AMPD3: variants seen among roughly 807,000 people sequenced by gnomAD.
The protein encoded by AMPD3 is AMP deaminase 3.
Under a neutral mutation model 82.3 loss-of-function variants are expected in AMPD3, and 57 were observed. The ratio of observed to expected loss-of-function variants is 0.69; its 90% CI spans 0.56 to 0.86. The LOEUF (loss-of-function observed/expected upper bound fraction) is 0.86, where lower values mean the gene tolerates loss of function less well. Among genes scored for constraint, AMPD3 ranks in the 40% least tolerant of loss-of-function variants. The pLI, the probability that AMPD3 is intolerant of heterozygous loss-of-function variation, is 0.00. For missense variants in AMPD3, 870 were observed against 1,003.8 expected, an observed-to-expected ratio of 0.87 and a Z score of 1.80; for synonymous variants, 381 against 394.7, an observed-to-expected ratio of 0.97 and a Z score of 0.41.
In AMPD3 at chr11:10,504,722, G is replaced by A; in HGVS notation, c.2127+63G>A. ...GAAGGCTGCCTGCTGTGTGCCAGGA[G>A]CCTTCCAGGCACTGGGGATCTGTGA... is the stretch of plus-strand genomic sequence containing the variant. On this transcript the variant is annotated intron_variant, in intron 14 of 14. Transcript: ENST00000396553. The A allele has an allele frequency of 2.1e-6, 3 of 1,432,324 alleles. 1 individual carries two copies. Among genetic ancestry groups the A allele is most frequent in the South Asian group, 2.3e-5 (2 of 87,502 alleles). The allele number at this position is 1,432,324 out of a possible 1,614,324, so 88.7% of individuals were successfully genotyped here.
At chr11:10,457,139 G>A (rs1848119479) in intron 1 of AMPD3, among the ~76,000 whole-genome samples, 3 of 151,728 alleles carry the variant, frequency 2.0e-5, no homozygotes. Flanking sequence ...CACCACACCT[G>A]GCTGTTTTTT....
chr11:10,451,089 G>C (rs955338321), upstream of AMPD3: 2 of 1,552,054 alleles, frequency 1.3e-6, no homozygotes, highest in Non-Finnish European at 1.7e-6. Context: ...CCAGCCCCGC[G>C]GACCCTGCGG....
At chr11:10,479,361 C>G (rs1426145531) in intron 3 of AMPD3, among the ~76,000 whole-genome samples, 2 of 152,146 alleles carry the variant, frequency 1.3e-5, no homozygotes, top group African/African-American at 4.8e-5. Flanking sequence ...AAGTTTGGCT[C>G]CATCTCCCTG....
At chr11:10,486,942 A>G in intron 5 of AMPD3, 1 of 985,418 alleles carries the variant, frequency 1.0e-6, no homozygotes, top group South Asian at 4.7e-5. Context: ...CTCATGGGAA[A>G]TGGAGGCTTG....
Position 10,489,119 on chromosome 11 carries a change from C to A in AMPD3, c.939+1755C>A, listed in dbSNP as rs1197239246. On this transcript the variant is annotated intron_variant, in intron 6 of 14. Coordinates refer to ENST00000396553, the MANE Select transcript of AMPD3 (RefSeq NM_001025389.2). ...GTTTTAGACACCACTTACGTGGGCACCCTGGCATTTTCACCTTCAAGCACC... is the reference window on the plus strand; with the variant it reads ...GTTTTAGACACCACTTACGTGGGCAACCTGGCATTTTCACCTTCAAGCACC... 3.8e-4 allele frequency among the ~76,000 whole-genome samples: 58 copies of A among 152,186 alleles called. 1 individual carries two copies. The highest frequency in any genetic ancestry group is 3.7e-3 in the Admixed American group (57 of 15,280).
chr11:10,500,549 G>A, intron 11 of AMPD3: 1 of 949,154 alleles, frequency 1.1e-6, no homozygotes, highest in Non-Finnish European at 1.3e-6. Flanking sequence ...ACATTTATAT[G>A]TACACACACC....
At chr11:10,500,317 G>GCA (rs1173372485) in intron 11 of AMPD3, 68 bp downstream of exon 11, 19 of 1,560,626 alleles carry the variant, frequency 1.2e-5, no homozygotes, top group Middle Eastern at 3.4e-4. Context: ...GCACACACAT[G>GCA]CACACACACA....
chr11:10,488,302 A>C, intron 6 of AMPD3: 26 of 985,440 alleles, frequency 2.6e-5, no homozygotes, highest in Non-Finnish European at 3.1e-5. Flanking sequence ...ATGGTGAGCA[A>C]GAGTCACTTC....
chr11:10,482,252 T>A, intron 4 of AMPD3, 27 bp downstream of exon 4: 1 of 1,609,632 alleles, frequency 6.2e-7, no homozygotes, highest in Non-Finnish European at 8.5e-7. Flanking sequence ...GGAGGTTGGG[T>A]CCCAAGTGTG....
At chr11:10,452,723 T>C (rs968043117), upstream of AMPD3, among the ~76,000 whole-genome samples, 2 of 152,220 alleles carry the variant, frequency 1.3e-5, no homozygotes, top group African/African-American at 4.8e-5. Flanking sequence ...ATGATGACAA[T>C]GATGTTGGCA....
intron 4 of AMPD3, chr11:10,484,561 C>T (rs1179465948): frequency 4.3e-6 from 4 of 937,600 alleles, no homozygotes; most frequent in Non-Finnish European, 5.1e-6. Flanking sequence ...CAGTGAACAG[C>T]ACAAATTAAA....
chr11:10,489,239 C>T (rs756949081), intron 6 of AMPD3, among the ~76,000 whole-genome samples: 16 of 152,174 alleles, frequency 1.1e-4, no homozygotes, highest in Admixed American at 8.5e-4. Context: ...GAACTTCACA[C>T]GCCTAGCACA....
At chr11:10,497,949 T>C (rs1371405841) in intron 10 of AMPD3, among the ~76,000 whole-genome samples, 3 of 152,176 alleles carry the variant, frequency 2.0e-5, no homozygotes, top group Admixed American at 1.3e-4. Flanking sequence ...TGTTGAGTGC[T>C]CTCCCTGGAT....
chr11:10,450,919 G>C, upstream of AMPD3: 1 of 1,266,212 alleles, frequency 7.9e-7, no homozygotes, highest in Non-Finnish European at 9.9e-7. Context: ...CGGCCTGGCC[G>C]GGCCCTGGCC....
At chr11:10,502,619 C>T in intron 12 of AMPD3, 102 bp from the exon 13 acceptor site, 1 of 1,589,746 alleles carries the variant, frequency 6.3e-7, no homozygotes, top group African/African-American at 1.3e-5. Flanking sequence ...GTTCAGACCC[C>T]TGGTTTCCAC....
At chr11:10,489,441 C>T (rs536168907) in intron 6 of AMPD3, among the ~76,000 whole-genome samples, 10 of 152,272 alleles carry the variant, frequency 6.6e-5, no homozygotes, top group Middle Eastern at 6.8e-3. Flanking sequence ...ACCAGCTGCC[C>T]TCTGGCCACA....
At chr11:10,452,212 T>G (rs75951934), upstream of AMPD3, among the ~76,000 whole-genome samples, 2,284 of 152,040 alleles carry the variant, frequency 0.015, 64 homozygotes, top group African/African-American at 0.052. Flanking sequence ...ACTGACTGGA[T>G]CACTCTTCAA....
chr11:10,480,180 G>A (rs565318132), intron 3 of AMPD3, among the ~76,000 whole-genome samples: 3 of 152,346 alleles, frequency 2.0e-5, no homozygotes, highest in East Asian at 1.9e-4. Flanking sequence ...TCCTTGGCAC[G>A]CAGTAGGTCT....
At chr11:10,453,094 C>T (rs571149434), upstream of AMPD3, among the ~76,000 whole-genome samples, 20 of 152,320 alleles carry the variant, frequency 1.3e-4, no homozygotes, top group African/African-American at 3.8e-4. Flanking sequence ...GGATTACAGG[C>T]GCCCGCTACC....
Sources: allele counts gnomAD v4.1 joint callset (sites outside exome capture counted in the v4.1 genomes callset), GRCh38; gene constraint gnomAD v4.1.1; transcripts MANE v1.5; gene names NCBI Gene and HGNC (gene_info 2026-07-23, HGNC 2026-07-21).